Variants in GALNTL6 observed in about 807,000 individuals in gnomAD.
The protein encoded by GALNTL6 is polypeptide N-acetylgalactosaminyltransferase like 6, also known as polypeptide N-acetylgalactosaminyltransferase-like 6.
Under a neutral mutation model 73.7 loss-of-function variants are expected in GALNTL6, and 46 were observed. That is an observed-to-expected ratio of 0.62 (90% CI 0.49 to 0.80). The LOEUF is 0.80. Ranked by LOEUF, GALNTL6 falls within the 30% of genes least tolerant of loss-of-function variation. The probability of loss-of-function intolerance (pLI) is 0.00; values close to 1 mark genes in which losing one functional copy is unlikely to be tolerated. For synonymous variants in GALNTL6, 259 were observed against 263.7 expected, an observed-to-expected ratio of 0.98 and a Z score of 0.17; for missense variants, 604 against 755.0, an observed-to-expected ratio of 0.80 and a Z score of 2.34.
At chr4:172,811,834 C>T (rs1027738322) in intron 6 of GALNTL6, among the ~76,000 whole-genome samples, 1 of 152,182 alleles carries the variant, frequency 6.6e-6, no homozygotes, top group Non-Finnish European at 1.5e-5. Flanking sequence ...CTTTGAAACA[C>T]TATATAATTT....
intron 10 of GALNTL6, among the ~76,000 whole-genome samples, chr4:172,987,488 T>C (rs994019257): frequency 3.9e-5 from 6 of 152,264 alleles, no homozygotes; most frequent in African/African-American, 1.4e-4. Flanking sequence ...AGATGAAGTT[T>C]TGGGTGAGGG....
At chr4:172,609,626 TG>T (rs1158961690) in intron 5 of GALNTL6, among the ~76,000 whole-genome samples, 1 of 34,902 alleles carries the variant, frequency 2.9e-5, no homozygotes, top group Non-Finnish European at 5.7e-5. Flanking sequence ...TCTCTCTCTC[TG>T]TGTGTGTGTG....
rs867040876 is a variant in GALNTL6, at chr4:172,083,401, A to G, written c.139-146255A>G. 4.6e-5 allele frequency among the ~76,000 whole-genome samples: 7 copies of G among 152,202 alleles called. No individual in the cohort carries two copies. The South Asian group carries it at 1.4e-3, about 31-fold the overall frequency. On this transcript the variant is annotated intron_variant, in intron 2 of 12. Transcript: ENST00000506823. ...TCACTTAAATGCTAAAGTTTTTACA[A>G]TGACATCCTAGGTCCTCAAGGATTG...
intron 6 of GALNTL6, among the ~76,000 whole-genome samples, chr4:172,810,552 G>C (rs1741235999): frequency 6.6e-6 from 1 of 152,198 alleles, no homozygotes; most frequent in South Asian, 2.1e-4. Flanking sequence ...TACTGTGTAG[G>C]TTTTCAGCAA....
chr4:172,240,314 C>T (rs976014774), intron 3 of GALNTL6, among the ~76,000 whole-genome samples: 1 of 152,078 alleles, frequency 6.6e-6, no homozygotes, highest in African/African-American at 2.4e-5. Flanking sequence ...AGCTCCGCCT[C>T]CTGGGTTCAT....
chr4:171,993,360 T>C (rs1197366334), intron 2 of GALNTL6, among the ~76,000 whole-genome samples: 1 of 152,040 alleles, frequency 6.6e-6, no homozygotes, highest in African/African-American at 2.4e-5. Flanking sequence ...CCAGAAAATA[T>C]TGGCAATGCT....
chr4:172,854,121 G>T (rs1743991876), intron 7 of GALNTL6, among the ~76,000 whole-genome samples: 1 of 152,056 alleles, frequency 6.6e-6, no homozygotes, highest in Non-Finnish European at 1.5e-5. Flanking sequence ...TTCACTCCCA[G>T]AATGCTTCTC....
In GALNTL6 at chr4:172,040,000, G is replaced by A. The variant is rs1742039223; in HGVS notation, c.139-189656G>A. ...GCAATCCATATAAATTTGATTAAAC[G>A]AACAAACAAAAATGTTAGTCCTATG... On this transcript the variant is annotated intron_variant, in intron 2 of 12. Transcript: ENST00000506823. Among the ~76,000 whole-genome samples the A allele has an allele frequency of 2.0e-5, 3 of 151,804 alleles. 1 individual carries two copies. Among genetic ancestry groups the A allele is most frequent in the African/African-American group, 7.3e-5 (3 of 41,320 alleles).
intron 2 of GALNTL6, among the ~76,000 whole-genome samples, chr4:171,846,439 G>A (rs1489807782): frequency 6.6e-6 from 1 of 152,068 alleles, no homozygotes; most frequent in Admixed American, 6.6e-5. Flanking sequence ...AGACAGTAGG[G>A]GGCAGTGCAG....
At chr4:171,820,881 T>C (rs1400605021) in intron 2 of GALNTL6, among the ~76,000 whole-genome samples, 5 of 152,192 alleles carry the variant, frequency 3.3e-5, no homozygotes, top group African/African-American at 1.2e-4. Context: ...ATTTCAAGTA[T>C]TCAAATATTC....
chr4:171,971,335 C>T (rs545616208), intron 2 of GALNTL6, among the ~76,000 whole-genome samples: 56 of 152,250 alleles, frequency 3.7e-4, no homozygotes, highest in South Asian at 1.0e-3. Flanking sequence ...GACTTCGCTA[C>T]GGACTACAAG....
chr4:172,537,013 G>T (rs1352942047), intron 5 of GALNTL6, among the ~76,000 whole-genome samples: 7 of 152,126 alleles, frequency 4.6e-5, no homozygotes, highest in Non-Finnish European at 1.0e-4. Flanking sequence ...TCTCCCATTT[G>T]GAATGGGTGC....
At chr4:172,907,184 G>A (rs1327306892) in intron 8 of GALNTL6, among the ~76,000 whole-genome samples, 1 of 149,388 alleles carries the variant, frequency 6.7e-6, no homozygotes, top group Non-Finnish European at 1.5e-5. Context: ...AAACCTTTAA[G>A]GAGCACATAC....
chr4:172,728,216 T>G (rs1735939148), intron 5 of GALNTL6, among the ~76,000 whole-genome samples: 1 of 152,192 alleles, frequency 6.6e-6, no homozygotes, highest in Admixed American at 6.5e-5. Context: ...TATTTTTATG[T>G]GTACAATTCA....
chr4:172,868,521 C>T (rs1265374832), intron 7 of GALNTL6, among the ~76,000 whole-genome samples: 1 of 152,178 alleles, frequency 6.6e-6, no homozygotes, highest in African/African-American at 2.4e-5. Context: ...TACTATTGTA[C>T]TTCAGAACAA....
At chr4:172,566,785 C>G (rs1193815132) in intron 5 of GALNTL6, among the ~76,000 whole-genome samples, 1 of 151,366 alleles carries the variant, frequency 6.6e-6, no homozygotes, top group Non-Finnish European at 1.5e-5. Flanking sequence ...TTTAGCTAGA[C>G]TAGGAAAAAA....
In GALNTL6 at chr4:172,455,881, TGAC is replaced by T. The variant is rs1732381221; in HGVS notation, c.553+107193_553+107195del. Among the ~76,000 whole-genome samples the T allele has an allele frequency of 2.6e-5, 4 of 152,176 alleles. No individual in the cohort carries two copies. The South Asian group carries it at 8.3e-4, about 32-fold the overall frequency. Reference sequence around the variant, plus strand: ...CAGACTGCCTCCTCAAGTGGGTCCCTGACCCCAGTGCCTCCTGACTGGGAGACA... The same window carrying T: ...CAGACTGCCTCCTCAAGTGGGTCCCTCCCAGTGCCTCCTGACTGGGAGACA... On this transcript the variant is annotated intron_variant, in intron 5 of 12. Transcript: ENST00000506823.
chr4:172,844,744 G>A (rs1469395407), intron 7 of GALNTL6, among the ~76,000 whole-genome samples: 3 of 152,102 alleles, frequency 2.0e-5, no homozygotes, highest in African/African-American at 4.8e-5. Context: ...CTCAGGGTAG[G>A]TGCCACAGGT....
At chr4:172,371,686 T>A (rs556850333) in intron 5 of GALNTL6, among the ~76,000 whole-genome samples, 1 of 151,378 alleles carries the variant, frequency 6.6e-6, no homozygotes, top group Admixed American at 6.6e-5. Context: ...TGTCTCTTCC[T>A]CTCTCTCTCT....
Sources: allele counts gnomAD v4.1 joint callset (sites outside exome capture counted in the v4.1 genomes callset), GRCh38; gene constraint gnomAD v4.1.1; transcripts MANE v1.5; gene names NCBI Gene and HGNC (gene_info 2026-07-23, HGNC 2026-07-21).